TENM4: variants seen among roughly 807,000 people sequenced by gnomAD.
TENM4 encodes the protein teneurin-4.
TENM4 carries 82 observed loss-of-function variants against 243.3 expected under a neutral mutation model. The observed-to-expected ratio is 0.34, with a 90% CI of 0.28 to 0.40. The LOEUF (loss-of-function observed/expected upper bound fraction) is 0.40, where lower values mean the gene tolerates loss of function less well. Ranked by LOEUF, TENM4 falls within the 10% of genes least tolerant of loss-of-function variation. The pLI, the probability that TENM4 is intolerant of heterozygous loss-of-function variation, is 1.00. For missense variants in TENM4, 3,138 were observed against 3,673.3 expected (o/e 0.85, Z 3.77); for synonymous variants, 1,412 against 1,456.3 (o/e 0.97, Z 0.69).
At chr11:79,409,099 T>C (rs757931338) in intron 1 of TENM4, among the ~76,000 whole-genome samples, 67 of 101,092 alleles carry the variant, frequency 6.6e-4, no homozygotes, top group African/African-American at 1.2e-3. Flanking sequence ...TGTGTGTGTG[T>C]GTGCGCGCGC....
intron 6 of TENM4, among the ~76,000 whole-genome samples, chr11:79,000,092 G>A (rs919676560): frequency 2.0e-5 from 3 of 152,146 alleles, no homozygotes; most frequent in Non-Finnish European, 2.9e-5. Flanking sequence ...AAACAATGGA[G>A]GGCATATCAG....
chr11:78,967,283 C>T (rs560824157), intron 6 of TENM4, among the ~76,000 whole-genome samples: 1 of 152,046 alleles, frequency 6.6e-6, no homozygotes, highest in Non-Finnish European at 1.5e-5. Context: ...GTGTCTTGCA[C>T]ATAGAACGCA....
chr11:78,786,107 C>T (rs951504197), intron 16 of TENM4, among the ~76,000 whole-genome samples: 5 of 152,304 alleles, frequency 3.3e-5, no homozygotes, highest in East Asian at 1.9e-4. Context: ...CCAAGCAAAA[C>T]GTCTGGCTGA....
At chr11:79,364,205 T>C (rs1308994734) in intron 1 of TENM4, among the ~76,000 whole-genome samples, 2 of 152,186 alleles carry the variant, frequency 1.3e-5, no homozygotes, top group Non-Finnish European at 2.9e-5. Flanking sequence ...AACACACACA[T>C]GCTCCATAAC....
chr11:79,266,105 G>A (rs983527855), intron 2 of TENM4, among the ~76,000 whole-genome samples: 1 of 152,208 alleles, frequency 6.6e-6, no homozygotes, highest in African/African-American at 2.4e-5. Context: ...GAATGACTGT[G>A]ATCCTTTGAC....
At chr11:78,950,389 G>C (rs1857087260) in intron 6 of TENM4, among the ~76,000 whole-genome samples, 1 of 152,176 alleles carries the variant, frequency 6.6e-6, no homozygotes, top group South Asian at 2.1e-4. Flanking sequence ...GTGCAGGGCG[G>C]GGGGAGAATA....
intron 9 of TENM4, among the ~76,000 whole-genome samples, chr11:78,873,202 G>A (rs1210033490): frequency 6.6e-6 from 1 of 152,178 alleles, no homozygotes; most frequent in Non-Finnish European, 1.5e-5. Flanking sequence ...GCACTCATAT[G>A]TGAGTTACCT....
chr11:78,933,887 C>G (rs957346712), intron 6 of TENM4, among the ~76,000 whole-genome samples: 2 of 152,098 alleles, frequency 1.3e-5, no homozygotes, highest in African/African-American at 4.8e-5. Context: ...GAGCTCAGGG[C>G]CTTATATTTG....
intron 21 of TENM4, among the ~76,000 whole-genome samples, chr11:78,731,882 C>T (rs1423677691): frequency 2.6e-5 from 4 of 152,178 alleles, no homozygotes; most frequent in Non-Finnish European, 4.4e-5. Flanking sequence ...ATCTCATATA[C>T]ATTTTTCTCA....
chr11:78,992,599 A>G (rs17827464), intron 6 of TENM4, among the ~76,000 whole-genome samples: 3,041 of 152,330 alleles, frequency 0.02, 40 homozygotes, highest in Non-Finnish European at 0.026. Context: ...GATCTTGAGA[A>G]AGAACGGGAC....
intron 1 of TENM4, among the ~76,000 whole-genome samples, chr11:79,344,311 GA>G (rs2135465839): frequency 6.6e-6 from 1 of 152,306 alleles, no homozygotes; most frequent in East Asian, 1.9e-4. Flanking sequence ...GAGGCTGAGG[GA>G]AGATACGTCT....
At chr11:79,325,795 G>A (rs905938920) in intron 1 of TENM4, among the ~76,000 whole-genome samples, 3 of 152,132 alleles carry the variant, frequency 2.0e-5, no homozygotes, top group African/African-American at 7.2e-5. Context: ...ATGTCTCCAC[G>A]AGAACACACC....
At chr11:79,325,282 C>A (rs1014530150) in intron 1 of TENM4, among the ~76,000 whole-genome samples, 1 of 152,148 alleles carries the variant, frequency 6.6e-6, no homozygotes, top group African/African-American at 2.4e-5. Context: ...CCAACACGGG[C>A]CATACATAGG....
chr11:79,227,575 G>A (rs562867656), intron 2 of TENM4, among the ~76,000 whole-genome samples: 1 of 152,334 alleles, frequency 6.6e-6, no homozygotes, highest in African/African-American at 2.4e-5. Context: ...CAAGAGGGAA[G>A]AGTGATAGGT....
intron 12 of TENM4, among the ~76,000 whole-genome samples, chr11:78,841,953 C>T (rs1858268381): frequency 6.6e-6 from 1 of 152,084 alleles, no homozygotes; most frequent in Non-Finnish European, 1.5e-5. Flanking sequence ...CTACTTTTTC[C>T]CGTCTGTCTT....
intron 12 of TENM4, among the ~76,000 whole-genome samples, chr11:78,848,982 G>C (rs185664410): frequency 2.5e-4 from 38 of 152,278 alleles, no homozygotes; most frequent in Admixed American, 9.8e-4. Context: ...GCCAGAGCAA[G>C]TTTCTCGTAA....
intron 2 of TENM4, among the ~76,000 whole-genome samples, chr11:79,238,539 C>T (rs1010558048): frequency 6.6e-6 from 1 of 152,138 alleles, no homozygotes; most frequent in African/African-American, 2.4e-5. Context: ...CACTGGCTCC[C>T]CTGGTTCTCA....
chr11:78,753,072 A>G (rs1418813038), intron 19 of TENM4, among the ~76,000 whole-genome samples: 1 of 152,192 alleles, frequency 6.6e-6, no homozygotes, highest in Non-Finnish European at 1.5e-5. Flanking sequence ...ATATAAGTGA[A>G]CAATTTAGGA....
chr11:78,994,602 T>C (rs1207479383), intron 6 of TENM4, among the ~76,000 whole-genome samples: 1 of 152,256 alleles, frequency 6.6e-6, no homozygotes, highest in Non-Finnish European at 1.5e-5. Flanking sequence ...ATACACTGTG[T>C]TCATTTTTAC....
Sources: gnomAD v4.1 joint callset for allele counts (sites outside exome capture counted in the v4.1 genomes callset) on GRCh38, gnomAD v4.1.1 for gene constraint, MANE v1.5 for transcripts, NCBI Gene and HGNC (gene_info 2026-07-23, HGNC 2026-07-21) for gene names.